The following ABCA9 variants were observed in gnomAD, a reference collection of about 807,000 sequenced individuals.
ABCA9 encodes ATP binding cassette subfamily A member 9.
A neutral mutation model predicts 205.3 loss-of-function variants in ABCA9; 183 were observed. The ratio of observed to expected loss-of-function variants is 0.89; its 90% CI spans 0.79 to 1.01. The LOEUF (loss-of-function observed/expected upper bound fraction) is 1.01. ABCA9 is among the 50% of genes least tolerant of loss of function. The pLI, the probability that ABCA9 is intolerant of heterozygous loss-of-function variation, is 0.00. For synonymous variants in ABCA9, 651 were observed against 683.3 expected (o/e 0.95, Z 0.74); for missense variants, 1,805 against 1,912.4 (o/e 0.94, Z 1.05).
intron 1 of ABCA9, 54 bp from the exon 2 acceptor site, chr17:69,051,193 C>T (rs945883640): frequency 2.7e-6 from 4 of 1,491,692 alleles, no homozygotes; most frequent in Non-Finnish European, 3.7e-6. Context: ...AAGTAGAAAA[C>T]ATTGTGCAAT....
chr17:68,979,486 G>A (rs36096265), intron 37 of ABCA9, among the ~76,000 whole-genome samples: 102,231 of 151,768 alleles, frequency 0.67, 34,869 homozygotes, highest in Middle Eastern at 0.73. Flanking sequence ...GTCAATCCTA[G>A]TCCAAAAGAA....
At chr17:69,026,556 G>T in intron 15 of ABCA9, 89 bp from the exon 16 acceptor site, 2 of 1,170,910 alleles carry the variant, frequency 1.7e-6, no homozygotes, top group Non-Finnish European at 2.5e-6. Flanking sequence ...ATGTATTGTA[G>T]CAGCATGACA....
chr17:68,988,150 G>A (rs886869299), intron 31 of ABCA9, among the ~76,000 whole-genome samples: 3 of 152,142 alleles, frequency 2.0e-5, no homozygotes, highest in Admixed American at 6.5e-5. Context: ...AGCATTGAAC[G>A]CCACTGTGCG....
intron 22 of ABCA9, among the ~76,000 whole-genome samples, chr17:69,015,411 A>G (rs921261319): frequency 6.6e-6 from 1 of 152,166 alleles, no homozygotes; most frequent in Non-Finnish European, 1.5e-5. Context: ...CTGAAGACAT[A>G]GAAGTGCACA....
At position 68,992,261 on chromosome 17, in the gene ABCA9, G is replaced by A. The variant is rs2144039605; in HGVS notation, c.3630C>T (p.Tyr1210=). 1.9e-6 allele frequency: 3 copies of A among 1,577,732 alleles called. No individual in the cohort carries two copies. Among genetic ancestry groups the A allele is most frequent in the Non-Finnish European group, 2.6e-6 (3 of 1,157,956 alleles). Residue 1210 remains tyrosine (Y), a synonymous_variant, in exon 28 of 39, where the codon TAC becomes TAT. Transcript: ENST00000340001. ...EIVYLALLIP[Y]LHFLIFLFIL... ...TGAAAAGAAAAATGAGAAAATGAAG[G>A]TAAGGCTAGGGAAAAAGAAAGACAA...
At position 69,035,339 on chromosome 17, in the gene ABCA9, C is replaced by A. The variant is rs764094352; in HGVS notation, c.1035G>T (p.Leu345=). 4 of 1,610,592 alleles carry A rather than the reference C, an allele frequency of 2.5e-6. No individual in the cohort carries two copies. The highest frequency in any genetic ancestry group is 3.4e-6 in the Non-Finnish European group (4 of 1,178,070). The part of the protein sequence containing the change: ...VFLLIVFWGI[L]GFPALYTRLP... ...GACGTGTATACAATGCTGGGAATCC[C>A]AGGATCCCCCAAAAGACAATAAGGA... Residue 345 remains leucine (L), a synonymous_variant, in exon 8 of 39, where the codon CTG becomes CTT. Transcript: ENST00000340001.
At chr17:69,039,003 C>A (rs2071440461) in intron 6 of ABCA9, among the ~76,000 whole-genome samples, 1 of 152,138 alleles carries the variant, frequency 6.6e-6, no homozygotes, top group Non-Finnish European at 1.5e-5. Context: ...ATACAACTTA[C>A]AAGGGATACT....
intron 6 of ABCA9, chr17:69,042,643 A>G (rs982425608): frequency 1.3e-5 from 2 of 152,244 alleles, no homozygotes; most frequent in Non-Finnish European, 2.9e-5. Context: ...TCACCCATAT[A>G]TGGTAACTAG....
intron 22 of ABCA9, among the ~76,000 whole-genome samples, chr17:69,014,058 C>T (rs1004584038): frequency 2.0e-5 from 3 of 152,096 alleles, no homozygotes; most frequent in Non-Finnish European, 2.9e-5. Flanking sequence ...CTTTGTCATC[C>T]AGATAATTGG....
chr17:68,991,033 A>C, intron 28 of ABCA9, 76 bp from the exon 29 acceptor site: 1 of 1,520,360 alleles, frequency 6.6e-7, no homozygotes, highest in Non-Finnish European at 8.9e-7. Flanking sequence ...TTTTCTCTAT[A>C]CTTCCAATTT....
At chr17:69,018,760 A>G (rs140356874) in intron 19 of ABCA9, among the ~76,000 whole-genome samples, 181 bp from the exon 20 acceptor site, 46 of 152,098 alleles carry the variant, frequency 3.0e-4, no homozygotes, top group African/African-American at 1.0e-3. Context: ...ATCTACCTTT[A>G]GTCTTTTGCT....
intron 31 of ABCA9, 79 bp from the exon 32 acceptor site, chr17:68,986,403 A>T: frequency 7.3e-7 from 1 of 1,375,096 alleles, no homozygotes; most frequent in Non-Finnish European, 9.8e-7. Context: ...TACTTCAGAG[A>T]TGCCCTTCTC....
At chr17:69,006,042 C>A (rs7218871) in intron 25 of ABCA9, among the ~76,000 whole-genome samples, 104,423 of 152,124 alleles carry the variant, frequency 0.69, 36,273 homozygotes, top group Middle Eastern at 0.75. Flanking sequence ...TTTATTTTAA[C>A]AAACATATAG....
intron 29 of ABCA9, 84 bp downstream of exon 29, chr17:68,990,753 T>G (rs1207153117): frequency 6.4e-7 from 1 of 1,552,278 alleles, no homozygotes; most frequent in Non-Finnish European, 8.7e-7. Flanking sequence ...ACCCCAAGTG[T>G]TTTTCGAAAA....
chr17:68,985,545 C>G (rs1056164188), intron 32 of ABCA9, among the ~76,000 whole-genome samples: 1 of 152,178 alleles, frequency 6.6e-6, no homozygotes, highest in Non-Finnish European at 1.5e-5. Flanking sequence ...TCGCTTGAAC[C>G]TGGGAGGTGG....
intron 12 of ABCA9, among the ~76,000 whole-genome samples, chr17:69,028,068 A>G (rs986628573): frequency 6.6e-6 from 1 of 152,244 alleles, no homozygotes; most frequent in African/African-American, 2.4e-5. Context: ...ATTTTTCTAA[A>G]TAGGTATAAT....
At chr17:69,004,575 G>C (rs1471076589) in intron 25 of ABCA9, 3 of 152,388 alleles carry the variant, frequency 2.0e-5, no homozygotes, top group Non-Finnish European at 4.4e-5. Flanking sequence ...GTTTGTCTGT[G>C]CCCTGCCCCC....
Position 69,035,656 on chromosome 17 carries a change from T to C in ABCA9, c.942+4A>G, listed in dbSNP as rs1186232947. ...AAAGACTTAGATGAAATTAACCAAC[T>C]CACCAAAGACAGGCCATAGAGGAGA... On this transcript the variant is annotated splice_donor_region_variant and intron_variant, in intron 7 of 38. Coordinates refer to ENST00000340001, the MANE Select transcript of ABCA9 (RefSeq NM_080283.4). The C allele has an allele frequency of 6.2e-7, 1 of 1,612,030 alleles. No individual in the cohort carries two copies. Among genetic ancestry groups the C allele is most frequent in the Admixed American group, 1.7e-5 (1 of 59,582 alleles).
the ABCA9 span, among the ~76,000 whole-genome samples, chr17:69,067,697 G>A: frequency 6.6e-6 from 1 of 152,142 alleles, no homozygotes; most frequent in Non-Finnish European, 1.5e-5. Context: ...GGGTTATACA[G>A]GTTTCTTTTT....
Sources: allele counts gnomAD v4.1 joint callset (sites outside exome capture counted in the v4.1 genomes callset), GRCh38; gene constraint gnomAD v4.1.1; transcripts MANE v1.5; gene names NCBI Gene and HGNC (gene_info 2026-07-23, HGNC 2026-07-21).